Variants in PIK3C2G observed in about 807,000 individuals in gnomAD.
PIK3C2G encodes the protein phosphatidylinositol-4-phosphate 3-kinase catalytic subunit type 2 gamma.
PIK3C2G carries 168 observed loss-of-function variants against 181.1 expected under a neutral mutation model. The ratio of observed to expected loss-of-function variants is 0.93; its 90% CI spans 0.82 to 1.05. The LOEUF (loss-of-function observed/expected upper bound fraction) is 1.05. PIK3C2G is among the 50% of genes least tolerant of loss of function. The pLI, the probability that PIK3C2G is intolerant of heterozygous loss-of-function variation, is 0.00. For synonymous variants in PIK3C2G, 573 were observed against 592.2 expected (o/e 0.97, Z 0.47); for missense variants, 1,869 against 1,732.8 (o/e 1.08, Z -1.40).
At chr12:18,647,372 A>G (rs1950191758) in intron 32 of PIK3C2G, among the ~76,000 whole-genome samples, 1 of 151,864 alleles carries the variant, frequency 6.6e-6, no homozygotes, top group Non-Finnish European at 1.5e-5. Flanking sequence ...AGGCAACATG[A>G]TCATTAGAAG....
chr12:18,414,793 T>A (rs1202204644), intron 16 of PIK3C2G, among the ~76,000 whole-genome samples: 1 of 152,218 alleles, frequency 6.6e-6, no homozygotes, highest in Non-Finnish European at 1.5e-5. Flanking sequence ...TGCAGGAACT[T>A]CAGCAGTACT....
chr12:18,243,453 T>C (rs1287374644), upstream of PIK3C2G, among the ~76,000 whole-genome samples: 1 of 152,092 alleles, frequency 6.6e-6, no homozygotes, highest in African/African-American at 2.4e-5. Flanking sequence ...AAGGTCAGTA[T>C]GTGACTTCTA....
intron 29 of PIK3C2G, among the ~76,000 whole-genome samples, chr12:18,586,425 A>G (rs966880143): frequency 2.6e-5 from 4 of 152,170 alleles, no homozygotes; most frequent in African/African-American, 9.6e-5. Context: ...ACAGACAACC[A>G]TCAGAGACTT....
At chr12:18,387,404 A>G (rs1378754684) in intron 14 of PIK3C2G, among the ~76,000 whole-genome samples, 1 of 152,146 alleles carries the variant, frequency 6.6e-6, no homozygotes, top group Non-Finnish European at 1.5e-5. Context: ...TTCTCTTGCC[A>G]GTCCCTGTTT....
At chr12:18,575,061 G>A (rs915165703) in intron 29 of PIK3C2G, among the ~76,000 whole-genome samples, 11 of 152,082 alleles carry the variant, frequency 7.2e-5, no homozygotes, top group African/African-American at 2.7e-4. Flanking sequence ...ATAAATAGAT[G>A]TACTTAAAGA....
chr12:18,701,788 A>G, the PIK3C2G span: 1 of 1,589,170 alleles, frequency 6.3e-7, no homozygotes, highest in Non-Finnish European at 8.6e-7. Context: ...TAAGGAAACA[A>G]TTTGAGAGAT....
chr12:18,587,753 A>C (rs186788461), intron 29 of PIK3C2G, among the ~76,000 whole-genome samples: 1,536 of 140,710 alleles, frequency 0.011, 12 homozygotes, highest in African/African-American at 0.028. Context: ...ACAACCAAAC[A>C]AAACAAAACA....
chr12:18,478,986 A>AAT (rs1555092913), intron 18 of PIK3C2G, among the ~76,000 whole-genome samples: 33 of 146,598 alleles, frequency 2.3e-4, no homozygotes, highest in South Asian at 8.5e-4. Flanking sequence ...AAAAAAAAAA[A>AAT]ATATATATAT....
chr12:18,507,551 C>A (rs1454851195), intron 24 of PIK3C2G, among the ~76,000 whole-genome samples: 1 of 152,152 alleles, frequency 6.6e-6, no homozygotes, highest in Non-Finnish European at 1.5e-5. Flanking sequence ...GGATACCTAG[C>A]TTATGAGGGA....
chr12:18,304,284 C>T (rs780895927), intron 5 of PIK3C2G, among the ~76,000 whole-genome samples: 19 of 151,946 alleles, frequency 1.3e-4, no homozygotes, highest in Non-Finnish European at 2.8e-4. Context: ...GAGATGGAGT[C>T]TTCACTCTGT....
In PIK3C2G at chr12:18,323,231, G is replaced by A. The variant is rs76596347; in HGVS notation, c.1209-1804G>A. The stretch of plus-strand genomic sequence containing the variant: ...TTCAGGGCAAAGCAAAAGTTCTGCT[G>A]TAGCAAGGGTAGAGGAAACATGTCT... On this transcript the variant is annotated intron_variant, in intron 7 of 32. Transcript: ENST00000538779. Among the ~76,000 whole-genome samples the A allele has an allele frequency of 6.7e-3, 1,017 of 152,258 alleles. 11 individuals carry two copies. The highest frequency in any genetic ancestry group is 0.024 in the African/African-American group (980 of 41,550).
intron 18 of PIK3C2G, among the ~76,000 whole-genome samples, chr12:18,433,698 TG>T (rs1362546353): frequency 5.9e-5 from 9 of 152,316 alleles, no homozygotes; most frequent in Admixed American, 5.2e-4. Context: ...TCAAAAACAC[TG>T]TTCAATTAAG....
intron 5 of PIK3C2G, among the ~76,000 whole-genome samples, chr12:18,307,076 G>C (rs951420599): frequency 6.7e-6 from 1 of 148,478 alleles, no homozygotes; most frequent in Non-Finnish European, 1.5e-5. Flanking sequence ...TGTTATCTAG[G>C]ATGCTTACTT....
At chr12:18,430,267 C>T (rs1378067372) in intron 18 of PIK3C2G, among the ~76,000 whole-genome samples, 1 of 152,184 alleles carries the variant, frequency 6.6e-6, no homozygotes, top group Non-Finnish European at 1.5e-5. Context: ...CCCACTCCTC[C>T]TACCAAGTCT....
the PIK3C2G span, chr12:18,688,230 T>C: frequency 2.5e-6 from 4 of 1,596,352 alleles, no homozygotes; most frequent in Non-Finnish European, 3.4e-6. Flanking sequence ...TGCACAAATA[T>C]ATATGAATAT....
At chr12:18,524,094 G>C (rs1479187617) in intron 24 of PIK3C2G, among the ~76,000 whole-genome samples, 1 of 152,146 alleles carries the variant, frequency 6.6e-6, no homozygotes, top group African/African-American at 2.4e-5. Flanking sequence ...AATGAGCCCA[G>C]GTGGTTTAAC....
At chr12:18,313,450 T>C (rs1591920688) in intron 5 of PIK3C2G, among the ~76,000 whole-genome samples, 1 of 152,202 alleles carries the variant, frequency 6.6e-6, no homozygotes, top group Admixed American at 6.5e-5. Flanking sequence ...TAATTGGCCT[T>C]CCTAAGGTCA....
At chr12:18,508,061 A>G (rs914960451) in intron 24 of PIK3C2G, among the ~76,000 whole-genome samples, 8 of 152,252 alleles carry the variant, frequency 5.3e-5, no homozygotes, top group Admixed American at 5.2e-4. Flanking sequence ...CAATAAACCA[A>G]TCATCAACCA....
chr12:18,714,920 G>A, the PIK3C2G span: 2 of 151,724 alleles, frequency 1.3e-5, no homozygotes, highest in African/African-American at 4.8e-5. Context: ...AGGGAGTGTC[G>A]TCCCAGCACC....
Sources: gnomAD v4.1 joint callset for allele counts (sites outside exome capture counted in the v4.1 genomes callset) on GRCh38, gnomAD v4.1.1 for gene constraint, MANE v1.5 for transcripts, NCBI Gene and HGNC (gene_info 2026-07-23, HGNC 2026-07-21) for gene names.